Variants in MALRD1 observed in about 807,000 individuals in gnomAD.
MALRD1 encodes MAM and LDL receptor class A domain containing 1.
A neutral mutation model predicts 242.1 loss-of-function variants in MALRD1; 247 were observed. The observed-to-expected ratio is 1.02, with a 90% confidence interval of 0.92 to 1.13. MALRD1 has a LOEUF of 1.13. MALRD1 is among the 50% of genes most tolerant of loss of function. The probability of loss-of-function intolerance (pLI) is 0.00; values close to 1 mark genes in which losing one functional copy is unlikely to be tolerated. For synonymous variants in MALRD1, 995 were observed against 866.6 expected (o/e 1.15, Z -2.60); for missense variants, 2,989 against 2,533.1 (o/e 1.18, Z -3.86).
chr10:19,227,716 C>A (rs1837860824), intron 18 of MALRD1, among the ~76,000 whole-genome samples: 1 of 151,970 alleles, frequency 6.6e-6, no homozygotes, highest in Admixed American at 6.6e-5. Flanking sequence ...TGATAAAGAA[C>A]TTTCATCTAG....
intron 13 of MALRD1, among the ~76,000 whole-genome samples, chr10:19,168,456 C>T (rs1419338767): frequency 6.6e-6 from 1 of 152,170 alleles, no homozygotes; most frequent in Non-Finnish European, 1.5e-5. Flanking sequence ...ATAGAATGTC[C>T]TTTCTAGCAG....
intron 12 of MALRD1, among the ~76,000 whole-genome samples, chr10:19,157,488 T>C (rs1435895238): frequency 2.6e-5 from 4 of 152,088 alleles, no homozygotes; most frequent in South Asian, 2.1e-4. Context: ...ACCTCGTGAT[T>C]CACCCACCTT....
intron 32 of MALRD1, among the ~76,000 whole-genome samples, chr10:19,562,606 C>A (rs555243591): frequency 6.6e-6 from 1 of 152,182 alleles, no homozygotes; most frequent in Non-Finnish European, 1.5e-5. Context: ...CTCTTTCTTT[C>A]TTCAGTTTTA....
intron 26 of MALRD1, among the ~76,000 whole-genome samples, chr10:19,354,908 AAAAG>A (rs1246900503): frequency 6.6e-5 from 10 of 152,230 alleles, no homozygotes; most frequent in East Asian, 3.8e-4. Context: ...TTAAAAATAA[AAAAG>A]AAATTTGGAG....
At chr10:19,559,123 C>T (rs1012915888) in intron 32 of MALRD1, among the ~76,000 whole-genome samples, 8 of 151,906 alleles carry the variant, frequency 5.3e-5, no homozygotes, top group Admixed American at 1.3e-4. Flanking sequence ...GCAAAAGTTG[C>T]AGTGAGCCGA....
chr10:19,436,774 T>TTAC lies in MALRD1; in HGVS notation c.4846-13532_4846-13531insACT, dbSNP rs532153363. On this transcript the variant is annotated intron_variant, in intron 28 of 39. Coordinates refer to ENST00000454679, the MANE Select transcript of MALRD1 (RefSeq NM_001142308.3). ...CATACTTCAAAACTCCTAAATGATC[T>TTAC]TTTTAAATGGCTTACTTTTAATGGC... 9.2e-5 allele frequency among the ~76,000 whole-genome samples: 14 copies of TTAC among 152,328 alleles called. No homozygotes were observed. In the South Asian group the frequency reaches 2.9e-3, roughly 32 times the overall value.
chr10:19,082,343 A>G (rs1429979529), intron 2 of MALRD1, among the ~76,000 whole-genome samples: 2 of 151,764 alleles, frequency 1.3e-5, no homozygotes, highest in African/African-American at 2.4e-5. Context: ...CACAAATTAC[A>G]TCATTACATA....
intron 26 of MALRD1, among the ~76,000 whole-genome samples, chr10:19,356,174 A>G (rs1380557688): frequency 6.6e-6 from 1 of 151,846 alleles, no homozygotes; most frequent in African/African-American, 2.4e-5. Flanking sequence ...GTCTATATGT[A>G]TATCTATATC....
At chr10:19,676,232 GT>G (rs1242164219) in intron 36 of MALRD1, among the ~76,000 whole-genome samples, 1 of 152,178 alleles carries the variant, frequency 6.6e-6, no homozygotes, top group East Asian at 1.9e-4. Context: ...CTGTGGGAAA[GT>G]AGTAAAGGTT....
intron 5 of MALRD1, among the ~76,000 whole-genome samples, chr10:19,115,177 C>T (rs1270908525): frequency 1.3e-5 from 2 of 152,230 alleles, no homozygotes; most frequent in East Asian, 3.9e-4. Context: ...GCTTGCTTAC[C>T]CTGCCTCCCC....
At chr10:19,492,491 C>G (rs1589152725) in intron 30 of MALRD1, among the ~76,000 whole-genome samples, 1 of 152,086 alleles carries the variant, frequency 6.6e-6, no homozygotes, top group African/African-American at 2.4e-5. Flanking sequence ...ATAATCACAT[C>G]CAAGATGACT....
At chr10:19,577,763 A>G (rs1478253638) in intron 33 of MALRD1, among the ~76,000 whole-genome samples, 1 of 152,044 alleles carries the variant, frequency 6.6e-6, no homozygotes, top group Non-Finnish European at 1.5e-5. Context: ...ATATATATAT[A>G]TATAATAAAA....
chr10:19,349,106 C>T (rs971727389), intron 25 of MALRD1, among the ~76,000 whole-genome samples: 1 of 152,108 alleles, frequency 6.6e-6, no homozygotes, highest in South Asian at 2.1e-4. Context: ...GGATTACAGG[C>T]GTGCACAACC....
intron 36 of MALRD1, among the ~76,000 whole-genome samples, chr10:19,673,434 G>C (rs1455891124): frequency 6.6e-6 from 1 of 152,078 alleles, no homozygotes; most frequent in African/African-American, 2.4e-5. Context: ...TATATGATTA[G>C]AACTGTATAG....
Position 19,557,481 on chromosome 10 carries a change from T to C in MALRD1, c.5479-10021T>C, listed in dbSNP as rs57968491. ...TGGTAACACATGTATACTCTGTGTC[T>C]AGATTCTTTTTTTTTTGTTTGCTTG... On this transcript the variant is annotated intron_variant, in intron 32 of 39. Coordinates refer to ENST00000454679, the MANE Select transcript of MALRD1 (RefSeq NM_001142308.3). Among the ~76,000 whole-genome samples the C allele has an allele frequency of 6.2e-4, 95 of 152,246 alleles. No individual in the cohort carries two copies. In the East Asian group the frequency reaches 0.016, roughly 26 times the overall value.
chr10:19,663,768 A>G (rs566776137), intron 36 of MALRD1, among the ~76,000 whole-genome samples: 2 of 152,000 alleles, frequency 1.3e-5, no homozygotes, highest in Admixed American at 6.6e-5. Flanking sequence ...TTTCAGAATA[A>G]TTCACTTGTT....
chr10:19,155,039 A>C, intron 11 of MALRD1, 36 bp from the exon 12 acceptor site: 1 of 1,152,740 alleles, frequency 8.7e-7, no homozygotes, highest in South Asian at 4.4e-5. Context: ...GTGTAAGAGA[A>C]CTTGCATCCC....
intron 12 of MALRD1, among the ~76,000 whole-genome samples, chr10:19,156,713 T>G (rs759581170): frequency 6.6e-6 from 1 of 152,216 alleles, no homozygotes; most frequent in Non-Finnish European, 1.5e-5. Flanking sequence ...TGCATGTATA[T>G]GATTTTAAAA....
At chr10:19,164,544 T>G (rs1364579298) in intron 12 of MALRD1, among the ~76,000 whole-genome samples, 1 of 152,194 alleles carries the variant, frequency 6.6e-6, no homozygotes, top group African/African-American at 2.4e-5. Flanking sequence ...CATACAGCCT[T>G]AGGACCTGTT....
Sources: gnomAD v4.1 joint callset for allele counts (sites outside exome capture counted in the v4.1 genomes callset) on GRCh38, gnomAD v4.1.1 for gene constraint, MANE v1.5 for transcripts, NCBI Gene and HGNC (gene_info 2026-07-23, HGNC 2026-07-21) for gene names.